Variants in DPYSL3 observed in about 807,000 individuals in gnomAD.
DPYSL3 encodes dihydropyrimidinase-related protein 3.
Under a neutral mutation model 66.1 loss-of-function variants are expected in DPYSL3, and 16 were observed. That is an observed-to-expected ratio of 0.24 (90% CI 0.16 to 0.37). The LOEUF is 0.37. Among genes scored for constraint, DPYSL3 ranks in the 10% least tolerant of loss-of-function variants. The pLI, the probability that DPYSL3 is intolerant of heterozygous loss-of-function variation, is 1.00. For synonymous variants in DPYSL3, 338 were observed against 345.1 expected (o/e 0.98, Z 0.23); for missense variants, 738 against 916.2 (o/e 0.81, Z 2.51).
chr5:147,405,922 C>T, intron 7 of DPYSL3, 192 bp from the exon 8 acceptor site: 2 of 594,224 alleles, frequency 3.4e-6, no homozygotes, highest in East Asian at 3.0e-5. Flanking sequence ...CTCAGCTTCC[C>T]AGTGCCTCTA....
intron 1 of DPYSL3, among the ~76,000 whole-genome samples, chr5:147,504,463 T>C (rs1032292513): frequency 1.3e-5 from 2 of 152,238 alleles, no homozygotes; most frequent in African/African-American, 2.4e-5. Flanking sequence ...TTTTCCTAGC[T>C]TTGGTACAAA....
intron 1 of DPYSL3, among the ~76,000 whole-genome samples, chr5:147,481,006 GCCA>G (rs1753230935): frequency 6.6e-6 from 1 of 152,000 alleles, no homozygotes; most frequent in African/African-American, 2.4e-5. Flanking sequence ...ACACGTGTGA[GCCA>G]CCACGCCTGG....
rs1383790999 is a variant in DPYSL3 at position 147,393,403 on chromosome 5, GA to G, written c.*631del. ...CTTGGCATTTTAATAAACGTTCAAAGAAACAAAATTTACTTGTAGGGGACGT... is the reference window on the plus strand; with the variant it reads ...CTTGGCATTTTAATAAACGTTCAAAGAACAAAATTTACTTGTAGGGGACGT... On this transcript the variant is annotated 3_prime_UTR_variant, in exon 14 of 14. Transcript: ENST00000343218. 6.6e-6 allele frequency: 1 copy of G among 152,282 alleles called. No individual in the cohort carries two copies. Among genetic ancestry groups the G allele is most frequent in the Admixed American group, 6.5e-5 (1 of 15,278 alleles). The allele number at this position is 152,282 out of a possible 1,614,324, so 9.4% of individuals were successfully genotyped here. A position where few individuals can be genotyped will look rare whatever the true frequency, so the allele number is the denominator to read the frequency against.
chr5:147,498,233 C>T (rs1581219564), intron 1 of DPYSL3, among the ~76,000 whole-genome samples: 1 of 152,134 alleles, frequency 6.6e-6, no homozygotes, highest in East Asian at 1.9e-4. Context: ...TAATGGCCTC[C>T]AGCTCTACCC....
At chr5:147,453,824 A>G in intron 1 of DPYSL3, 1 of 892,642 alleles carries the variant, frequency 1.1e-6, no homozygotes, top group Non-Finnish European at 1.4e-6. Flanking sequence ...ACCCTCCTCC[A>G]CCCGCGTTCA....
chr5:147,397,595 A>C, intron 12 of DPYSL3, 71 bp downstream of exon 12: 1 of 1,508,442 alleles, frequency 6.6e-7, no homozygotes, highest in Non-Finnish European at 9.0e-7. Context: ...CCCTGTGTTC[A>C]TGGTTACTAT....
chr5:147,509,754 G>T lies in DPYSL3; in HGVS notation c.105C>A (p.Gly35=), dbSNP rs1460666148. Residue 35 remains glycine, a synonymous_variant, in exon 1 of 14, where the codon GGC becomes GGA. Coordinates refer to ENST00000343218, the MANE Select transcript of DPYSL3 (RefSeq NM_001197294.2). This position sits in a 1 kb window ranked among gnomAD's most constrained non-coding sequence, Gnocchi z 5.3. ...CGCCCTCCACGTTGCAGAACATGCCGCCGTATTTCTGCCGCGGGACCTGGT... is the reference window on the plus strand; with the variant it reads ...CGCCCTCCACGTTGCAGAACATGCCTCCGTATTTCTGCCGCGGGACCTGGT... ...TTDQVPRQKY[G]GMFCNVEGAF... 1.3e-6 allele frequency: 2 copies of T among 1,535,998 alleles called. No homozygotes were observed.
Position 147,505,241 on chromosome 5 carries a change from G to GT in DPYSL3, c.381+4236dup, listed in dbSNP as rs989075049. ...AACCTGGAATTTGACACTCAGAGAC[G>GT]TTTTTTTTTTTGAGACGGAGTCTCA... On this transcript the variant is annotated intron_variant, in intron 1 of 13. Coordinates refer to ENST00000343218, the MANE Select transcript of DPYSL3 (RefSeq NM_001197294.2). Among the ~76,000 whole-genome samples, 404 of 146,946 alleles carry GT rather than the reference G, an allele frequency of 2.7e-3. 3 individuals are homozygous for GT. Among genetic ancestry groups the GT allele is most frequent in the African/African-American group, 7.3e-3 (293 of 40,292 alleles).
In DPYSL3 at chr5:147,466,057, C is replaced by T. The variant is rs540909868; in HGVS notation, c.382-41094G>A. On this transcript the variant is annotated intron_variant, in intron 1 of 13. Transcript: ENST00000343218. The stretch of plus-strand genomic sequence containing the variant: ...AGCATTTTAAATTTTATAGATTTCA[C>T]ACTCACATTTATATTTCTTTAAAAA... Among the ~76,000 whole-genome samples the T allele has an allele frequency of 2.0e-5, 3 of 152,334 alleles. No homozygotes were observed. In the South Asian group the frequency reaches 6.2e-4, roughly 32 times the overall value.
At chr5:147,423,739 GC>G (rs1752133731) in intron 2 of DPYSL3, among the ~76,000 whole-genome samples, 1 of 152,084 alleles carries the variant, frequency 6.6e-6, no homozygotes, top group Admixed American at 6.6e-5. Context: ...TTGAGACAGA[GC>G]CTAGCTCTGT....
intron 6 of DPYSL3, 124 bp from the exon 7 acceptor site, chr5:147,408,920 C>G: frequency 1.0e-6 from 1 of 953,696 alleles, no homozygotes; most frequent in South Asian, 1.5e-5. Context: ...ATGTATTAAT[C>G]CTATATTTGG....
chr5:147,478,571 C>T (rs1753194850), intron 1 of DPYSL3, among the ~76,000 whole-genome samples: 1 of 152,196 alleles, frequency 6.6e-6, no homozygotes, highest in African/African-American at 2.4e-5. Context: ...GACTTTTGCT[C>T]AACTTATGCC....
intron 1 of DPYSL3, among the ~76,000 whole-genome samples, chr5:147,473,717 T>G (rs996104167): frequency 4.6e-5 from 7 of 152,156 alleles, no homozygotes; most frequent in African/African-American, 1.4e-4. Context: ...CAATGGACTT[T>G]TCCACCAATG....
intron 1 of DPYSL3, among the ~76,000 whole-genome samples, chr5:147,439,185 G>A (rs1415191137): frequency 6.6e-6 from 1 of 152,200 alleles, no homozygotes; most frequent in East Asian, 1.9e-4. Context: ...CACTGCAGTG[G>A]CTGAAAGTGC....
Position 147,454,551 on chromosome 5 carries a change from C to T in DPYSL3, c.382-29588G>A, listed in dbSNP as rs569114963. ...CCACTGCCTGACTGAGTCTCAGAAT[C>T]AAAGAAAGAACATGAATGCTGCTCT... is the stretch of plus-strand genomic sequence containing the variant. On this transcript the variant is annotated intron_variant, in intron 1 of 13. Coordinates refer to ENST00000343218, the MANE Select transcript of DPYSL3 (RefSeq NM_001197294.2). Among the ~76,000 whole-genome samples the T allele has an allele frequency of 1.3e-3, 204 of 152,288 alleles. 1 individual carries two copies. The highest frequency in any genetic ancestry group is 2.4e-3 in the Non-Finnish European group (162 of 68,040).
intron 1 of DPYSL3, among the ~76,000 whole-genome samples, chr5:147,425,477 T>C (rs1353356008): frequency 6.6e-6 from 1 of 152,202 alleles, no homozygotes. Flanking sequence ...TACTTACAAA[T>C]GTATGCACAA....
chr5:147,470,753 C>A (rs1201791874), intron 1 of DPYSL3, among the ~76,000 whole-genome samples: 4 of 152,154 alleles, frequency 2.6e-5, no homozygotes, highest in Non-Finnish European at 5.9e-5. Context: ...CCAAATCATA[C>A]CCTCTGCCTG....
At chr5:147,401,375 A>C (rs1178443326) in intron 9 of DPYSL3, among the ~76,000 whole-genome samples, 165 bp downstream of exon 9, 1 of 152,222 alleles carries the variant, frequency 6.6e-6, no homozygotes. Context: ...AGGATGGGGA[A>C]GAGCCTGCTT....
chr5:147,411,240 AG>A (rs1264829141), intron 6 of DPYSL3, among the ~76,000 whole-genome samples: 1 of 152,190 alleles, frequency 6.6e-6, no homozygotes. Context: ...AAGTGCTGTC[AG>A]GGTCCTGACT....
Sources: gnomAD v4.1 joint callset for allele counts (sites outside exome capture counted in the v4.1 genomes callset) on GRCh38, gnomAD v4.1.1 for gene constraint, Gnocchi (gnomAD v3.1) non-coding constraint, MANE v1.5 for transcripts, NCBI Gene and HGNC (gene_info 2026-07-23, HGNC 2026-07-21) for gene names.